Variants in RUBCN observed in about 807,000 individuals in gnomAD.
RUBCN encodes the protein rubicon autophagy regulator.
A neutral mutation model predicts 113.2 loss-of-function variants in RUBCN; 74 were observed. The observed-to-expected ratio is 0.65, with a 90% CI of 0.54 to 0.79. The LOEUF (loss-of-function observed/expected upper bound fraction) is 0.79, where lower values mean the gene tolerates loss of function less well. Ranked by LOEUF, RUBCN falls within the 30% of genes least tolerant of loss-of-function variation. The probability of loss-of-function intolerance (pLI) is 0.00; values close to 1 mark genes in which losing one functional copy is unlikely to be tolerated. For missense variants in RUBCN, 1,109 were observed against 1,251.7 expected, an observed-to-expected ratio of 0.89 and a Z score of 1.72; for synonymous variants, 480 against 490.0, an observed-to-expected ratio of 0.98 and a Z score of 0.27.
chr3:197,749,497 C>T, exon 1 of RUBCN: 4 of 1,284,794 alleles, frequency 3.1e-6, no homozygotes, highest in Non-Finnish European at 4.1e-6. Flanking sequence ...GATGCAGCTG[C>T]AATCTACACT....
intron 2 of RUBCN, among the ~76,000 whole-genome samples, chr3:197,709,345 T>G (rs1181274744): frequency 1.3e-5 from 2 of 151,924 alleles, no homozygotes; most frequent in African/African-American, 2.4e-5. Context: ...GCTGTAAGAA[T>G]GAGGAACTAC....
At chr3:197,717,954 G>A (rs1163526378) in intron 2 of RUBCN, 23 bp downstream of exon 2, 1 of 1,612,696 alleles carries the variant, frequency 6.2e-7, no homozygotes, top group Non-Finnish European at 8.5e-7. Context: ...AGCCAATCTG[G>A]CAAAAAAAGG....
chr3:197,702,009 G>C, intron 5 of RUBCN, 145 bp from the exon 6 acceptor site: 1 of 737,402 alleles, frequency 1.4e-6, no homozygotes, highest in East Asian at 2.7e-5. Context: ...GATACAGCAA[G>C]GCTACCTTCT....
chr3:197,682,941 G>C (rs1332188354), intron 13 of RUBCN, among the ~76,000 whole-genome samples: 1 of 152,172 alleles, frequency 6.6e-6, no homozygotes, highest in Non-Finnish European at 1.5e-5. Context: ...GGCTCATGCT[G>C]TCCCTGCACC....
Position 197,674,959 on chromosome 3 carries a change from G to T in RUBCN, c.*59C>A. 1 of 1,471,660 alleles carries T rather than the reference G, an allele frequency of 6.8e-7. No homozygotes were observed. The highest frequency in any genetic ancestry group is 9.3e-7 in the Non-Finnish European group (1 of 1,072,072). The allele number at this position is 1,471,660 out of a possible 1,614,324, so 91.2% of individuals were successfully genotyped here. A position where few individuals can be genotyped will look rare whatever the true frequency, so the allele number is the denominator to read the frequency against. ...CCAGGTGGGGCGAGTCCTTCAAAGA[G>T]TGGCTCAGTTCTGCAACAGGTGTGA... On this transcript the variant is annotated 3_prime_UTR_variant, in exon 20 of 20. Coordinates refer to ENST00000296343, the MANE Select transcript of RUBCN (RefSeq NM_014687.4).
At chr3:197,721,326 A>G (rs1460409867) in intron 1 of RUBCN, among the ~76,000 whole-genome samples, 1 of 152,070 alleles carries the variant, frequency 6.6e-6, no homozygotes, top group African/African-American at 2.4e-5. Context: ...TTTTGTCATG[A>G]TTCAGTGTCG....
At chr3:197,739,352 C>CT (rs1728410780), upstream of RUBCN, among the ~76,000 whole-genome samples, 1 of 148,308 alleles carries the variant, frequency 6.7e-6, no homozygotes, top group African/African-American at 2.5e-5. Context: ...GATCGTGCTA[C>CT]TGCACTCCAG....
chr3:197,683,046 G>A lies in RUBCN; in HGVS notation c.1980+261C>T, dbSNP rs1368891817. 2.0e-5 allele frequency among the ~76,000 whole-genome samples: 3 copies of A among 152,248 alleles called. No individual in the cohort carries two copies. Among genetic ancestry groups the A allele is most frequent in the Admixed American group, 6.5e-5 (1 of 15,294 alleles). ...CGATTTACTTTTGCGTAGTGTCTCC[G>A]AGGTGGTCACAAACCAAACATGACT... On this transcript the variant is annotated intron_variant, in intron 13 of 19. Coordinates refer to ENST00000296343, the MANE Select transcript of RUBCN (RefSeq NM_014687.4). The surrounding 1 kb of genome is among the most constrained non-coding windows in gnomAD (Gnocchi z 4.6).
chr3:197,679,945 C>T (rs535994775), intron 16 of RUBCN, among the ~76,000 whole-genome samples: 4,701 of 140,966 alleles, frequency 0.033, 350 homozygotes, highest in African/African-American at 0.13. Context: ...GACTGTCCTA[C>T]GCTCTGACAA....
rs911573985 is a variant in RUBCN, at chr3:197,683,199, A to AG, written c.1980+107dup. On this transcript the variant is annotated intron_variant, in intron 13 of 19. Transcript: ENST00000296343. This position sits in a 1 kb window ranked among gnomAD's most constrained non-coding sequence, Gnocchi z 4.6. ...TTGTAATGAATGGCTTCCACGAGTA[A>AG]GGGGGGAACACCCAGGCTCATTCCA... The AG allele has an allele frequency of 3.7e-6, 5 of 1,350,156 alleles. No homozygotes were observed. Among genetic ancestry groups the AG allele is most frequent in the Admixed American group, 3.4e-5 (2 of 59,580 alleles). 83.6% of individuals were successfully genotyped at this position (1,350,156 alleles called of 1,614,324 possible).
At chr3:197,725,835 C>T (rs1726682825) in intron 1 of RUBCN, among the ~76,000 whole-genome samples, 2 of 152,174 alleles carry the variant, frequency 1.3e-5, no homozygotes, top group Non-Finnish European at 2.9e-5. Context: ...CCAACAAACT[C>T]CTTAGCATGG....
At chr3:197,735,829 C>T (rs1001818210) in intron 1 of RUBCN, among the ~76,000 whole-genome samples, 1 of 152,054 alleles carries the variant, frequency 6.6e-6, no homozygotes, top group Admixed American at 6.6e-5. Context: ...TGGACTCAAG[C>T]GACCCGCCTC....
intron 1 of RUBCN, among the ~76,000 whole-genome samples, chr3:197,733,864 T>G (rs1260407444): frequency 2.0e-5 from 3 of 152,226 alleles, no homozygotes; most frequent in African/African-American, 7.2e-5. Context: ...CCTACTGGCC[T>G]GAATGACAGG....
chr3:197,706,040 C>T (rs1724265299), intron 2 of RUBCN, among the ~76,000 whole-genome samples: 1 of 152,130 alleles, frequency 6.6e-6, no homozygotes, highest in Non-Finnish European at 1.5e-5. Context: ...ATAATGGTTT[C>T]TACTCCTTTC....
chr3:197,720,885 CTG>C (rs933692003), intron 1 of RUBCN, among the ~76,000 whole-genome samples: 75 of 152,276 alleles, frequency 4.9e-4, no homozygotes, highest in Middle Eastern at 3.4e-3. Flanking sequence ...AACCTCCAGA[CTG>C]TGTCGCATAA....
intron 2 of RUBCN, among the ~76,000 whole-genome samples, chr3:197,716,645 G>A (rs1725548999): frequency 6.6e-6 from 1 of 152,172 alleles, no homozygotes; most frequent in South Asian, 2.1e-4. Flanking sequence ...ACCTGGGAAT[G>A]TTGCCTTTTA....
In RUBCN at chr3:197,696,091, GGAA is replaced by G. The variant is rs1437039072; in HGVS notation, c.1358-113_1358-111del. On this transcript the variant is annotated intron_variant, in intron 8 of 19. Transcript: ENST00000296343. The stretch of plus-strand genomic sequence containing the variant: ...CCCAGGTAACTGGGAATTAGAGGTT[GGAA>G]GAAGATGTCCACCTTCTAAAAGAAT... 6.2e-5 allele frequency: 62 copies of G among 1,004,818 alleles called. No homozygotes were observed. In the East Asian group the frequency reaches 1.4e-3, roughly 23 times the overall value. The allele number at this position is 1,004,818 out of a possible 1,614,324, so 62.2% of individuals were successfully genotyped here.
Position 197,736,859 on chromosome 3 carries a change from C to G in RUBCN, c.-140G>C. The G allele has an allele frequency of 7.2e-7, 1 of 1,380,004 alleles. No homozygotes were observed. Among genetic ancestry groups the G allele is most frequent in the Non-Finnish European group, 9.3e-7 (1 of 1,074,602 alleles). The allele number at this position is 1,380,004 out of a possible 1,614,324, so 85.5% of individuals were successfully genotyped here. A position where few individuals can be genotyped will look rare whatever the true frequency, so the allele number is the denominator to read the frequency against. On this transcript the variant is annotated 5_prime_UTR_variant, in exon 1 of 20. Coordinates refer to ENST00000296343, the MANE Select transcript of RUBCN (RefSeq NM_014687.4). The stretch of plus-strand genomic sequence containing the variant: ...GTGATGCGCTACACCCGGGCGGCGA[C>G]AGCGGGAGGGACCGCCGCCTGGGCT...
At chr3:197,737,935 C>T (rs1728312531), upstream of RUBCN, among the ~76,000 whole-genome samples, 1 of 152,158 alleles carries the variant, frequency 6.6e-6, no homozygotes, top group South Asian at 2.1e-4. Context: ...GTCGCCCAGG[C>T]TGGGGTGCAG....
Sources: gnomAD v4.1 joint callset for allele counts (sites outside exome capture counted in the v4.1 genomes callset) on GRCh38, gnomAD v4.1.1 for gene constraint, Gnocchi (gnomAD v3.1) non-coding constraint, MANE v1.5 for transcripts, NCBI Gene and HGNC (gene_info 2026-07-23, HGNC 2026-07-21) for gene names.